The following SMCHD1 variants were observed in gnomAD, a reference collection of about 807,000 sequenced individuals.
SMCHD1 encodes structural maintenance of chromosomes flexible hinge domain containing 1.
A neutral mutation model predicts 254.7 loss-of-function variants in SMCHD1; 78 were observed. That is an observed-to-expected ratio of 0.31 (90% CI 0.26 to 0.37). SMCHD1 has a LOEUF of 0.37. SMCHD1 is among the 10% of genes least tolerant of loss of function. SMCHD1 has a pLI of 1.00. For synonymous variants in SMCHD1, 766 were observed against 794.9 expected (o/e 0.96, Z 0.61); for missense variants, 1,840 against 2,408.1 (o/e 0.76, Z 4.94).
In SMCHD1 at chr18:2,707,214, A is replaced by G. The variant is rs567637453; in HGVS notation, c.2064-349A>G. Among the ~76,000 whole-genome samples the G allele has an allele frequency of 2.0e-5, 3 of 152,160 alleles. No individual in the cohort carries two copies. In the East Asian group the frequency reaches 5.8e-4, roughly 29 times the overall value. ...AGTGGCTTTTCTTCTTGTATAGCTA[A>G]TGATGCAATCATTTTGATTCTTACT... On this transcript the variant is annotated intron_variant, in intron 15 of 47. Transcript: ENST00000320876.
chr18:2,779,121 A>C (rs1288048026), intron 44 of SMCHD1: 4 of 152,140 alleles, frequency 2.6e-5, no homozygotes, highest in Non-Finnish European at 5.9e-5. Flanking sequence ...TTTGCAGGGG[A>C]GTTTGGTAAA....
At chr18:2,751,997 A>G (rs1199424912) in intron 33 of SMCHD1, among the ~76,000 whole-genome samples, 1 of 152,170 alleles carries the variant, frequency 6.6e-6, no homozygotes, top group Non-Finnish European at 1.5e-5. Flanking sequence ...ATATCAGTTC[A>G]GACCAGCCAC....
chr18:2,658,645 C>G (rs1347310617), intron 1 of SMCHD1, among the ~76,000 whole-genome samples: 1 of 152,106 alleles, frequency 6.6e-6, no homozygotes, highest in African/African-American at 2.4e-5. Flanking sequence ...TGTTAGACTT[C>G]TTTTAAGCAT....
Position 2,760,737 on chromosome 18 carries a change from C to T in SMCHD1, c.4432C>T (p.Gln1478Ter). Residue 1478 changes from glutamine (Q) to a stop codon, truncating the protein, a stop_gained and splice_region_variant, in exon 35 of 48, where the codon CAG (glutamine) becomes TAG (stop). Coordinates refer to ENST00000320876, the MANE Select transcript of SMCHD1 (RefSeq NM_015295.3). LOFTEE classifies it high-confidence loss of function. ...TAAAACAAATATTCTCAACAGTGAA[C>T]AGGTTTGCTTACTTTTTTTATATAC... ...MDKTNILNSE[Q>*]VIVEVLPNQP... 1 of 1,592,280 alleles carries T rather than the reference C, an allele frequency of 6.3e-7. No individual in the cohort carries two copies. The highest frequency in any genetic ancestry group is 8.6e-7 in the Non-Finnish European group (1 of 1,162,078).
chr18:2,657,039 C>A (rs2073089592), intron 1 of SMCHD1, among the ~76,000 whole-genome samples: 1 of 152,124 alleles, frequency 6.6e-6, no homozygotes, highest in African/African-American at 2.4e-5. Context: ...GGTGGCATTG[C>A]CTGAGCTTTG....
chr18:2,768,480 A>C (rs2075910713), intron 37 of SMCHD1, among the ~76,000 whole-genome samples: 1 of 152,034 alleles, frequency 6.6e-6, no homozygotes, highest in Admixed American at 6.6e-5. Flanking sequence ...TATACTTCTC[A>C]TTATTCATCC....
At chr18:2,743,963 A>G in intron 29 of SMCHD1, 35 bp downstream of exon 29, 3 of 1,525,732 alleles carry the variant, frequency 2.0e-6, no homozygotes, top group Non-Finnish European at 1.8e-6. Flanking sequence ...AAAGAATTTA[A>G]TATCATATGG....
At chr18:2,685,680 G>T (rs1455722816) in intron 5 of SMCHD1, among the ~76,000 whole-genome samples, 1 of 151,954 alleles carries the variant, frequency 6.6e-6, no homozygotes, top group Non-Finnish European at 1.5e-5. Flanking sequence ...CCTAATCAAG[G>T]TACCTTATTT....
At chr18:2,750,592 T>C (rs2075552650) in intron 32 of SMCHD1, 85 bp downstream of exon 32, 1 of 1,182,772 alleles carries the variant, frequency 8.5e-7, no homozygotes, top group South Asian at 1.6e-5. Context: ...CTAGGTTAAG[T>C]GTGCTCAGTC....
chr18:2,713,530 A>G (rs949242907), intron 17 of SMCHD1, among the ~76,000 whole-genome samples: 1 of 151,730 alleles, frequency 6.6e-6, no homozygotes, highest in Non-Finnish European at 1.5e-5. Context: ...CTAAGAAGTA[A>G]AAAAATTAGC....
Position 2,778,200 on chromosome 18 carries a change from T to G in SMCHD1, c.5508T>G (p.Ile1836Met). The change falls in exon 44 of 48, where the codon ATT becomes ATG. Residue 1836 changes from isoleucine to methionine, a missense_variant. Coordinates refer to ENST00000320876, the MANE Select transcript of SMCHD1 (RefSeq NM_015295.3). ...VFGMLLGDTIILDNLDAANHY... is the reference protein window; with the variant it reads ...VFGMLLGDTIMLDNLDAANHY... ...GTATGCTGTTAGGAGACACCATTAT[T>G]TTGGATAATCTGGATGCGGCCAATC... 1 of 1,610,256 alleles carries G rather than the reference T, an allele frequency of 6.2e-7. No homozygotes were observed. The highest frequency in any genetic ancestry group is 8.5e-7 in the Non-Finnish European group (1 of 1,177,944).
At chr18:2,764,410 TCTTAGTAA>T (rs2075834628) in intron 37 of SMCHD1, among the ~76,000 whole-genome samples, 1 of 152,126 alleles carries the variant, frequency 6.6e-6, no homozygotes, top group Non-Finnish European at 1.5e-5. Flanking sequence ...TCTAATATAT[TCTTAGTAA>T]AAGTAAGCCT....
rs181070874 is a variant in SMCHD1, at chr18:2,785,468, G to A, written c.5719+847G>A. On this transcript the variant is annotated intron_variant, in intron 45 of 47. Transcript: ENST00000320876. ...TCGAGCCCATCTTGGCTAACACAGTGAAACCCTGTCTCTACTAAAAATACA... is the reference window on the plus strand; with the variant it reads ...TCGAGCCCATCTTGGCTAACACAGTAAAACCCTGTCTCTACTAAAAATACA... Among the ~76,000 whole-genome samples, 279 of 151,458 alleles carry A rather than the reference G, an allele frequency of 1.8e-3. 1 individual carries two copies. Among genetic ancestry groups the A allele is most frequent in the Admixed American group, 5.4e-3 (82 of 15,192 alleles).
At chr18:2,710,919 A>G (rs924207086) in intron 17 of SMCHD1, among the ~76,000 whole-genome samples, 4 of 140,894 alleles carry the variant, frequency 2.8e-5, no homozygotes, top group African/African-American at 1.0e-4. Flanking sequence ...ATCAGTCCAG[A>G]TAATTATGTA....
chr18:2,657,345 G>C (rs2073099435), intron 1 of SMCHD1, among the ~76,000 whole-genome samples: 1 of 152,168 alleles, frequency 6.6e-6, no homozygotes, highest in Non-Finnish European at 1.5e-5. Flanking sequence ...ATGGATAAAT[G>C]AATGAAGACA....
intron 45 of SMCHD1, among the ~76,000 whole-genome samples, chr18:2,789,617 C>T (rs2076288815): frequency 6.6e-6 from 1 of 152,126 alleles, no homozygotes; most frequent in African/African-American, 2.4e-5. Context: ...AATACACATT[C>T]AGTATGCTTC....
chr18:2,762,236 G>A lies in SMCHD1; in HGVS notation c.4566G>A (p.Thr1522=), dbSNP rs1598416221. The part of the protein sequence containing the change: ...TLVRDLHLSI[T]DDYDNHTGID... ...TCAGAGATCTACATCTTAGTATCAC[G>A]GTAATGTTTATTTTCTTCCAAAACT... The change falls in exon 36 of 48, where the codon ACG becomes ACA. Residue 1522 remains threonine (T), a splice_region_variant and synonymous_variant. Coordinates refer to ENST00000320876, the MANE Select transcript of SMCHD1 (RefSeq NM_015295.3). 1.2e-6 allele frequency: 2 copies of A among 1,612,000 alleles called. No homozygotes were observed. The highest frequency in any genetic ancestry group is 1.7e-6 in the Non-Finnish European group (2 of 1,179,002).
intron 1 of SMCHD1, among the ~76,000 whole-genome samples, chr18:2,664,007 G>A (rs904931063): frequency 2.6e-5 from 4 of 152,060 alleles, no homozygotes; most frequent in African/African-American, 7.2e-5. Context: ...GAGCCACCGC[G>A]CCCGGCCTAT....
At chr18:2,757,116 T>C (rs1390818581) in intron 34 of SMCHD1, among the ~76,000 whole-genome samples, 2 of 152,246 alleles carry the variant, frequency 1.3e-5, no homozygotes, top group African/African-American at 4.8e-5. Context: ...TATGTGTATA[T>C]GTATGTAGAG....
Sources: allele counts gnomAD v4.1 joint callset (sites outside exome capture counted in the v4.1 genomes callset), GRCh38; gene constraint gnomAD v4.1.1; transcripts MANE v1.5; gene names NCBI Gene and HGNC (gene_info 2026-07-23, HGNC 2026-07-21).